Variants in JAK1 observed in about 807,000 individuals in gnomAD.
JAK1 encodes Janus kinase 1, also known as tyrosine-protein kinase JAK1.
Under a neutral mutation model 136.6 loss-of-function variants are expected in JAK1, and 16 were observed. The ratio of observed to expected loss-of-function variants is 0.12; its 90% CI spans 0.08 to 0.18. JAK1 has a LOEUF of 0.18. Ranked by LOEUF, JAK1 falls within the 10% of genes least tolerant of loss-of-function variation. JAK1 has a pLI of 1.00. For synonymous variants in JAK1, 492 were observed against 519.5 expected (o/e 0.95, Z 0.72); for missense variants, 859 against 1,450.1 (o/e 0.59, Z 6.62).
At chr1:65,040,801 G>GA (rs201174180) in intron 2 of JAK1, among the ~76,000 whole-genome samples, 250 of 151,654 alleles carry the variant, frequency 1.6e-3, no homozygotes, top group Non-Finnish European at 2.3e-3. Context: ...GGGATACCAC[G>GA]AAAAAAAACA....
intron 1 of JAK1, among the ~76,000 whole-genome samples, chr1:64,947,949 T>C (rs904161782): frequency 1.3e-5 from 2 of 152,152 alleles, no homozygotes; most frequent in African/African-American, 2.4e-5. Context: ...GAAATAGATT[T>C]AGAAATACAA....
chr1:65,032,840 A>C (rs1178404787), intron 2 of JAK1, among the ~76,000 whole-genome samples: 1 of 152,198 alleles, frequency 6.6e-6, no homozygotes, highest in Non-Finnish European at 1.5e-5. Context: ...AAAATGTAAA[A>C]GACTGAGACA....
At chr1:64,985,774 TA>T in intron 2 of JAK1, 1 of 643,900 alleles carries the variant, frequency 1.6e-6, no homozygotes, top group Non-Finnish European at 2.8e-6. Context: ...CACAGTCCCA[TA>T]AGGCAGCCAC....
chr1:64,844,072 G>A lies in JAK1; in HGVS notation c.2395C>T (p.Leu799=). Residue 799 remains leucine, a synonymous_variant, in exon 17 of 25, where the codon CTG becomes TTG. Transcript: ENST00000342505. This position sits in a 1 kb window ranked among gnomAD's most constrained non-coding sequence, Gnocchi z 5.7. Reference sequence around the variant, plus strand: ...GGGAAACACCTGCTCACCTCAATCAGCGTCTTGTCTTTCAAGGGGATCTCG... The same window carrying A: ...GGGAAACACCTGCTCACCTCAATCAACGTCTTGTCTTTCAAGGGGATCTCG... ...NGEIPLKDKT[L]IEKERFYESR... The A allele has an allele frequency of 6.2e-7, 1 of 1,614,086 alleles. No homozygotes were observed. Among genetic ancestry groups the A allele is most frequent in the East Asian group, 2.2e-5 (1 of 44,880 alleles).
At chr1:64,855,482 G>A (rs2101049425) in intron 11 of JAK1, 27 bp downstream of exon 11, 2 of 1,608,398 alleles carry the variant, frequency 1.2e-6, no homozygotes, top group Non-Finnish European at 1.7e-6. Context: ...ATGGGATACA[G>A]CCTGGCTCTG....
chr1:65,067,387 G>A (rs1473476855), intron 1 of JAK1, among the ~76,000 whole-genome samples: 2 of 149,102 alleles, frequency 1.3e-5, no homozygotes, highest in Non-Finnish European at 3.0e-5. Flanking sequence ...GCGCCCCACG[G>A]CTTCCCGCGT....
At chr1:65,001,247 T>C (rs748492876) in intron 2 of JAK1, among the ~76,000 whole-genome samples, 3 of 152,216 alleles carry the variant, frequency 2.0e-5, no homozygotes, top group Non-Finnish European at 2.9e-5. Context: ...CTTCATAATT[T>C]TGGACATTCC....
At chr1:64,904,011 C>T (rs1316798964) in intron 1 of JAK1, among the ~76,000 whole-genome samples, 1 of 152,178 alleles carries the variant, frequency 6.6e-6, no homozygotes, top group Non-Finnish European at 1.5e-5. Flanking sequence ...ATAGCTAGTT[C>T]AGTGCTCTGA....
chr1:64,857,179 A>T (rs1311334247), intron 10 of JAK1, among the ~76,000 whole-genome samples: 1 of 152,198 alleles, frequency 6.6e-6, no homozygotes, highest in Non-Finnish European at 1.5e-5. Flanking sequence ...GCAATTTGTT[A>T]AAGTGTCTGA....
intron 1 of JAK1, among the ~76,000 whole-genome samples, chr1:65,064,576 CACTG>C (rs1210742148): frequency 6.6e-6 from 1 of 152,224 alleles, no homozygotes; most frequent in Non-Finnish European, 1.5e-5. Flanking sequence ...TGAATGGAGA[CACTG>C]AGTGAGATTC....
intron 19 of JAK1, 70 bp downstream of exon 19, chr1:64,841,175 G>A (rs531675408): frequency 2.4e-5 from 26 of 1,097,602 alleles, no homozygotes; most frequent in East Asian, 2.1e-4. Flanking sequence ...GCAGCTGTAC[G>A]TGCAGAGAGT....
chr1:64,860,599 AC>A (rs1389888740), intron 8 of JAK1, among the ~76,000 whole-genome samples: 8 of 151,916 alleles, frequency 5.3e-5, no homozygotes, highest in Non-Finnish European at 1.2e-4. Context: ...GATTACAGGC[AC>A]CTGCCATCAC....
chr1:64,961,075 T>C (rs1443165505), intron 1 of JAK1, among the ~76,000 whole-genome samples: 2 of 152,238 alleles, frequency 1.3e-5, no homozygotes, highest in Non-Finnish European at 2.9e-5. Context: ...TGAGAACATG[T>C]CTTCCTGTAT....
At chr1:64,840,831 T>G (rs1050044567) in intron 19 of JAK1, among the ~76,000 whole-genome samples, 3 of 151,884 alleles carry the variant, frequency 2.0e-5, no homozygotes, top group African/African-American at 7.3e-5. Context: ...ACCCTGTCTC[T>G]CGGGGGCAAA....
chr1:64,993,247 T>G (rs527564028), intron 2 of JAK1: 4 of 152,340 alleles, frequency 2.6e-5, no homozygotes, highest in African/African-American at 9.6e-5. Context: ...AAACCGTGTA[T>G]GGTAGTGGTT....
At chr1:65,021,465 T>C (rs907672237) in intron 2 of JAK1, among the ~76,000 whole-genome samples, 3 of 152,190 alleles carry the variant, frequency 2.0e-5, no homozygotes, top group Admixed American at 2.0e-4. Context: ...TGTCCCATAG[T>C]AAAGATGCTT....
chr1:64,913,289 G>A (rs957867257), intron 1 of JAK1, among the ~76,000 whole-genome samples: 2 of 151,984 alleles, frequency 1.3e-5, no homozygotes, highest in African/African-American at 4.8e-5. Context: ...AAAACATCAG[G>A]AACTATTCAT....
At chr1:64,848,051 A>C (rs78660826) in intron 12 of JAK1, 1 of 189,296 alleles carries the variant, frequency 5.3e-6, no homozygotes, top group African/African-American at 2.3e-5. Flanking sequence ...AGGAGCCCCC[A>C]GGCAGCTCCT....
intron 1 of JAK1, among the ~76,000 whole-genome samples, chr1:64,890,755 A>G (rs1253606082): frequency 5.9e-5 from 9 of 152,248 alleles, no homozygotes; most frequent in Non-Finnish European, 1.2e-4. Context: ...AAAGTGGGCT[A>G]TGAATCTGCT....
Sources: gnomAD v4.1 joint callset for allele counts (sites outside exome capture counted in the v4.1 genomes callset) on GRCh38, gnomAD v4.1.1 for gene constraint, Gnocchi (gnomAD v3.1) non-coding constraint, MANE v1.5 for transcripts, NCBI Gene and HGNC (gene_info 2026-07-23, HGNC 2026-07-21) for gene names.